Variants in IMP4 observed in about 807,000 individuals in gnomAD.
IMP4 encodes the protein U3 small nucleolar ribonucleoprotein IMP4.
Under a neutral mutation model 42.7 loss-of-function variants are expected in IMP4, and 30 were observed. The ratio of observed to expected loss-of-function variants is 0.70; its 90% confidence interval spans 0.53 to 0.95. IMP4 has a LOEUF of 0.95. Ranked by LOEUF, IMP4 falls within the 40% of genes least tolerant of loss-of-function variation. The pLI is 0.00. For missense variants in IMP4, 382 were observed against 411.4 expected, an observed-to-expected ratio of 0.93 and a Z score of 0.62; for synonymous variants, 165 against 165.2, an observed-to-expected ratio of 1.00 and a Z score of 0.01.
At position 130,346,924 on chromosome 2, in the gene IMP4, G is replaced by A. The variant is rs538906132; in HGVS notation, c.*456G>A. The A allele has an allele frequency of 1.9e-3, 354 of 184,264 alleles. 2 individuals carry two copies. The highest frequency in any genetic ancestry group is 7.6e-3 in the African/African-American group (327 of 42,950). The allele number at this position is 184,264 out of a possible 1,614,324, so 11.4% of individuals were successfully genotyped here. A position where few individuals can be genotyped will look rare whatever the true frequency, so the allele number is the denominator to read the frequency against. On this transcript the variant is annotated 3_prime_UTR_variant, in exon 9 of 9. Coordinates refer to ENST00000259239, the MANE Select transcript of IMP4 (RefSeq NM_033416.3). Reference sequence around the variant, plus strand: ...AGGCCACACCCAGTGCTCAGCAGCTGATTCCTCATGTAAGTGGCATCATGT... The same window carrying A: ...AGGCCACACCCAGTGCTCAGCAGCTAATTCCTCATGTAAGTGGCATCATGT...
chr2:130,342,947 A>T lies in IMP4; in HGVS notation c.3+12A>T. 2.5e-6 allele frequency: 4 copies of T among 1,614,072 alleles called. No individual in the cohort carries two copies. The highest frequency in any genetic ancestry group is 3.4e-6 in the Non-Finnish European group (4 of 1,179,972). ...CGGCACTCAAGATGGTAGGAGAATG[A>T]GCTCCTGTTTCGGAGGTCCGGGGCG... On this transcript the variant is annotated intron_variant, in intron 1 of 8. Coordinates refer to ENST00000259239, the MANE Select transcript of IMP4 (RefSeq NM_033416.3).
Position 130,343,324 on chromosome 2 carries a change from TGA to T in IMP4, c.112+134_112+135del. On this transcript the variant is annotated intron_variant, in intron 2 of 8. Coordinates refer to ENST00000259239, the MANE Select transcript of IMP4 (RefSeq NM_033416.3). ...GCCCATTGGGTTCTCCTGTTGGTTT[TGA>T]GAGTGTTTCTTCCGTGTGATGGTAT... is the stretch of plus-strand genomic sequence containing the variant. 4 of 746,952 alleles carry T rather than the reference TGA, an allele frequency of 5.4e-6. No individual in the cohort carries two copies. In the Middle Eastern group the frequency reaches 9.0e-4, roughly 168 times the overall value. The allele number at this position is 746,952 out of a possible 1,614,324, so 46.3% of individuals were successfully genotyped here.
At chr2:130,343,418 A>T in intron 2 of IMP4, 1 of 708,778 alleles carries the variant, frequency 1.4e-6, no homozygotes, top group Non-Finnish European at 2.6e-6. Context: ...CAGTGTGTCA[A>T]GTTCGTCCCA....
chr2:130,345,258 G>A lies in IMP4; in HGVS notation c.197-118G>A, dbSNP rs1022240041. 1.3e-6 allele frequency: 1 copy of A among 744,784 alleles called. No individual in the cohort carries two copies. Among genetic ancestry groups the A allele is most frequent in the Admixed American group, 2.1e-5 (1 of 48,160 alleles). The allele number at this position is 744,784 out of a possible 1,614,324, so 46.1% of individuals were successfully genotyped here. On this transcript the variant is annotated intron_variant, in intron 3 of 8. Transcript: ENST00000259239. This position sits in a 1 kb window ranked among gnomAD's most constrained non-coding sequence, Gnocchi z 4.9. ...TGCCCTCTTGCCCGGTGTGCATGTG[G>A]AGCATTCCTATTGTTGAAGGCTTCG...
chr2:130,342,985 G>A, intron 1 of IMP4, 50 bp downstream of exon 1: 1 of 1,613,922 alleles, frequency 6.2e-7, no homozygotes, highest in East Asian at 2.2e-5. Context: ...TGAAGTGCTG[G>A]GGATGTGGCT....
chr2:130,344,582 G>A (rs757096239), intron 2 of IMP4, 47 bp from the exon 3 acceptor site: 8 of 1,221,664 alleles, frequency 6.5e-6, no homozygotes, highest in Middle Eastern at 1.9e-4. Flanking sequence ...ATGAGCTGAG[G>A]TCTCCATGCT....
chr2:130,343,124 C>G lies in IMP4; in HGVS notation c.42C>G (p.Tyr14Ter), dbSNP rs1275201875. 1 of 1,555,170 alleles carries G rather than the reference C, an allele frequency of 6.4e-7. No individual in the cohort carries two copies. Among genetic ancestry groups the G allele is most frequent in the South Asian group, 1.2e-5 (1 of 86,012 alleles). ...CCCGCCTGCGCCGCGAGTACCTGTACCGCAAGGCCCGGGAGGAGGCGCAGC... is the reference window on the plus strand; with the variant it reads ...CCCGCCTGCGCCGCGAGTACCTGTAGCGCAAGGCCCGGGAGGAGGCGCAGC... ...REARLRREYL[Y>*]RKAREEAQRS... Residue 14 changes from tyrosine to a stop codon, truncating the protein, a stop_gained, in exon 2 of 9, where the codon TAC becomes TAG. Transcript: ENST00000259239. LOFTEE classifies it high-confidence loss of function.
chr2:130,345,064 C>G lies in IMP4; in HGVS notation c.197-312C>G, dbSNP rs928592380. 7 of 546,934 alleles carry G rather than the reference C, an allele frequency of 1.3e-5. No individual in the cohort carries two copies. In the African/African-American group the frequency reaches 1.3e-4, roughly 10 times the overall value. The allele number at this position is 546,934 out of a possible 1,614,324, so 33.9% of individuals were successfully genotyped here. On this transcript the variant is annotated intron_variant, in intron 3 of 8. Coordinates refer to ENST00000259239, the MANE Select transcript of IMP4 (RefSeq NM_033416.3). The surrounding 1 kb of genome is among the most constrained non-coding windows in gnomAD (Gnocchi z 4.9). Reference sequence around the variant, plus strand: ...TCCCAAACATTATAGATATTTGTTACGAGGGAAAAGAGTTTGTCACCGTTG... The same window carrying G: ...TCCCAAACATTATAGATATTTGTTAGGAGGGAAAAGAGTTTGTCACCGTTG...
In IMP4 at chr2:130,347,326, A is replaced by C. The variant is rs1679653500; in HGVS notation, c.*858A>C. 1 of 152,104 alleles carries C rather than the reference A, an allele frequency of 6.6e-6. No individual in the cohort carries two copies. Among genetic ancestry groups the C allele is most frequent in the South Asian group, 2.1e-4 (1 of 4,826 alleles). The allele number at this position is 152,104 out of a possible 1,614,324, so 9.4% of individuals were successfully genotyped here. A position where few individuals can be genotyped will look rare whatever the true frequency, so the allele number is the denominator to read the frequency against. On this transcript the variant is annotated 3_prime_UTR_variant, in exon 9 of 9. Transcript: ENST00000259239. ...TTCACTAGGGTTCCCTTTTCTCCAC[A>C]TTGTTGCCAACATTCTTTATCTTGT...
In IMP4 at chr2:130,345,711, G is replaced by A. The variant is rs765359391; in HGVS notation, c.439+12G>A. 1 of 1,613,318 alleles carries A rather than the reference G, an allele frequency of 6.2e-7. No homozygotes were observed. Among genetic ancestry groups the A allele is most frequent in the Admixed American group, 1.7e-5 (1 of 60,020 alleles). On this transcript the variant is annotated intron_variant, in intron 5 of 8. Transcript: ENST00000259239. The surrounding 1 kb of genome is among the most constrained non-coding windows in gnomAD (Gnocchi z 4.9). Reference sequence around the variant, plus strand: ...TCGGGGCACACCTGGTAAGGCCGGAGGGAGGGAGTCGGGGTGGGAGCCGTC... The same window carrying A: ...TCGGGGCACACCTGGTAAGGCCGGAAGGAGGGAGTCGGGGTGGGAGCCGTC...
chr2:130,343,444 A>G, intron 2 of IMP4: 1 of 681,402 alleles, frequency 1.5e-6, no homozygotes, highest in Non-Finnish European at 2.8e-6. Flanking sequence ...TAAAGACTTT[A>G]TCTTGTCCTG....
At chr2:130,344,975 T>A (rs529058086) in intron 3 of IMP4, 50 of 577,430 alleles carry the variant, frequency 8.7e-5, no homozygotes, top group African/African-American at 8.6e-4. Flanking sequence ...AAAGACAGTG[T>A]CCCTCACACA....
chr2:130,344,888 A>G (rs563907532), intron 3 of IMP4, 176 bp downstream of exon 3: 2 of 605,646 alleles, frequency 3.3e-6, no homozygotes, highest in South Asian at 3.9e-5. Flanking sequence ...TCCCACTTAC[A>G]TGGCACACAT....
Position 130,345,298 on chromosome 2 carries a change from C to A in IMP4, c.197-78C>A. ...TGAAGGCTTCGGCAGACAGCGACAT[C>A]CAGGCGGTCTTGGCTGCCCCGAAGT... On this transcript the variant is annotated intron_variant, in intron 3 of 8. Coordinates refer to ENST00000259239, the MANE Select transcript of IMP4 (RefSeq NM_033416.3). The surrounding 1 kb of genome is among the most constrained non-coding windows in gnomAD (Gnocchi z 4.9). 1.8e-6 allele frequency: 2 copies of A among 1,089,606 alleles called. No homozygotes were observed. Among genetic ancestry groups the A allele is most frequent in the Non-Finnish European group, 2.8e-6 (2 of 723,428 alleles). The allele number at this position is 1,089,606 out of a possible 1,614,324, so 67.5% of individuals were successfully genotyped here. A position where few individuals can be genotyped will look rare whatever the true frequency, so the allele number is the denominator to read the frequency against.
chr2:130,344,803 C>A, intron 3 of IMP4, 91 bp downstream of exon 3: 1 of 876,290 alleles, frequency 1.1e-6, no homozygotes, highest in Non-Finnish European at 1.9e-6. Flanking sequence ...TCAGAGGAAA[C>A]TGCTCCTGGA....
intron 2 of IMP4, chr2:130,343,423 G>A (rs899949086): frequency 1.4e-6 from 1 of 706,426 alleles, no homozygotes; most frequent in African/African-American, 1.8e-5. Flanking sequence ...TGTCAAGTTC[G>A]TCCCAAGTTT....
Position 130,344,721 on chromosome 2 carries a change from A to T in IMP4, c.196+9A>T. 1 of 1,595,264 alleles carries T rather than the reference A, an allele frequency of 6.3e-7. No individual in the cohort carries two copies. The highest frequency in any genetic ancestry group is 8.6e-7 in the Non-Finnish European group (1 of 1,162,894). ...TGATGCTGGAGGTGAAGGTAACTAT[A>T]CAAGGTAGCCCTCCCCAACACTGAG... On this transcript the variant is annotated intron_variant, in intron 3 of 8. Transcript: ENST00000259239.
chr2:130,344,583 T>C (rs1180147803), intron 2 of IMP4, 46 bp from the exon 3 acceptor site: 1 of 1,231,618 alleles, frequency 8.1e-7, no homozygotes, highest in Non-Finnish European at 1.2e-6. Flanking sequence ...TGAGCTGAGG[T>C]CTCCATGCTT....
rs1018078526 is a variant in IMP4 at position 130,345,111 on chromosome 2, C to T, written c.197-265C>T. 1.4e-5 allele frequency: 8 copies of T among 567,510 alleles called. No homozygotes were observed. The East Asian group carries it at 1.8e-4, about 13-fold the overall frequency. The allele number at this position is 567,510 out of a possible 1,614,324, so 35.2% of individuals were successfully genotyped here. A position where few individuals can be genotyped will look rare whatever the true frequency, so the allele number is the denominator to read the frequency against. The stretch of plus-strand genomic sequence containing the variant: ...GTTGGCCTTAGCAGAGTGTGGATTT[C>T]GTTGTGTAATGGAGTAGCTGCTTAG... On this transcript the variant is annotated intron_variant, in intron 3 of 8. Coordinates refer to ENST00000259239, the MANE Select transcript of IMP4 (RefSeq NM_033416.3). This position sits in a 1 kb window ranked among gnomAD's most constrained non-coding sequence, Gnocchi z 4.9.
Sources: gnomAD v4.1 joint callset for allele counts on GRCh38, gnomAD v4.1.1 for gene constraint, Gnocchi (gnomAD v3.1) non-coding constraint, MANE v1.5 for transcripts, NCBI Gene and HGNC (gene_info 2026-07-23, HGNC 2026-07-21) for gene names.